Variants in UGT1A9 observed in about 807,000 individuals in gnomAD.
The protein encoded by UGT1A9 is UDP glucuronosyltransferase family 1 member A9, also known as UDP-glucuronosyltransferase 1A9.
Under a neutral mutation model 45.0 loss-of-function variants are expected in UGT1A9, and 35 were observed. The observed-to-expected ratio is 0.78, with a 90% CI of 0.59 to 1.03. The LOEUF is 1.03. Among genes scored for constraint, UGT1A9 ranks in the 50% least tolerant of loss-of-function variants. UGT1A9 has a pLI of 0.00. For synonymous variants in UGT1A9, 278 were observed against 250.6 expected (o/e 1.11, Z -1.03); for missense variants, 687 against 666.6 (o/e 1.03, Z -0.34).
At chr2:233,694,271 TGTGAGC>T (rs1439131149) in intron 1 of UGT1A9, among the ~76,000 whole-genome samples, 4 of 151,934 alleles carry the variant, frequency 2.6e-5, no homozygotes, top group Non-Finnish European at 4.4e-5. Flanking sequence ...AACTACAGCC[TGTGAGC>T]CCAATCTGCC....
intron 1 of UGT1A9, among the ~76,000 whole-genome samples, chr2:233,734,157 A>G (rs2078492221): frequency 6.6e-6 from 1 of 152,100 alleles, no homozygotes; most frequent in Non-Finnish European, 1.5e-5. Context: ...CTGGTCCTGG[A>G]CTTTTTTTGG....
At chr2:233,681,961 C>G in intron 1 of UGT1A9, 1 of 1,613,960 alleles carries the variant, frequency 6.2e-7, no homozygotes, top group Non-Finnish European at 8.5e-7. Flanking sequence ...GGTGGACTGG[C>G]CTCCTTCCCC....
At chr2:233,742,690 G>A (rs1692069965) in intron 1 of UGT1A9, 1 of 152,442 alleles carries the variant, frequency 6.6e-6, no homozygotes, top group African/African-American at 2.4e-5. Flanking sequence ...CCTTCAGAGG[G>A]AACATGCTTC....
intron 1 of UGT1A9, chr2:233,743,560 C>A: frequency 7.3e-7 from 1 of 1,367,302 alleles, no homozygotes; most frequent in South Asian, 1.1e-5. Flanking sequence ...AAATATTCTC[C>A]AGCGGGTTTC....
chr2:233,674,262 A>T (rs894240612), intron 1 of UGT1A9, among the ~76,000 whole-genome samples: 7 of 152,218 alleles, frequency 4.6e-5, no homozygotes, highest in Admixed American at 2.0e-4. Flanking sequence ...AAGCAGGAGG[A>T]CTACAGTTGT....
At chr2:233,720,463 G>A (rs2076862046) in intron 1 of UGT1A9, among the ~76,000 whole-genome samples, 1 of 152,124 alleles carries the variant, frequency 6.6e-6, no homozygotes, top group African/African-American at 2.4e-5. Flanking sequence ...GCTGGGACCA[G>A]TGATGAATGG....
chr2:233,754,673 A>G, intron 1 of UGT1A9: 2 of 470,398 alleles, frequency 4.3e-6, no homozygotes, highest in Non-Finnish European at 8.4e-6. Flanking sequence ...TGATTTTTTT[A>G]CCATCAACTA....
In UGT1A9 at chr2:233,700,778, T is replaced by C. The variant is rs550912505; in HGVS notation, c.855+27989T>C. On this transcript the variant is annotated intron_variant, in intron 1 of 4. Transcript: ENST00000354728. ...GGGTACATGTGCACAACGTACAGGT[T>C]TGTTACATATGTATACATGTGCCAT... Among the ~76,000 whole-genome samples, 10 of 152,260 alleles carry C rather than the reference T, an allele frequency of 6.6e-5. No homozygotes were observed. In the East Asian group the frequency reaches 9.6e-4, roughly 15 times the overall value.
In UGT1A9 at chr2:233,671,968, C is replaced by T. The variant is rs1001554940; in HGVS notation, c.34C>T (p.Leu12=). Reference sequence around the variant, plus strand: ...CACAGGGTGGACCAGCCCCCTTCCTCTATGTGTGTGTCTGCTGCTGACCTG... The same window carrying T: ...CACAGGGTGGACCAGCCCCCTTCCTTTATGTGTGTGTCTGCTGCTGACCTG... ...ACTGWTSPLP[L]CVCLLLTCGF... is the part of the protein sequence containing the mutation. Residue 12 remains leucine, a synonymous_variant, in exon 1 of 5, where the codon CTA becomes TTA. Transcript: ENST00000354728. 5 of 1,613,768 alleles carry T rather than the reference C, an allele frequency of 3.1e-6. No homozygotes were observed. In the African/African-American group the frequency reaches 6.7e-5, roughly 22 times the overall value.
chr2:233,672,252 T>C lies in UGT1A9; in HGVS notation c.318T>C (p.Tyr106=), dbSNP rs1321758675. 16 of 1,614,218 alleles carry C rather than the reference T, an allele frequency of 9.9e-6. 1 individual carries two copies. Among genetic ancestry groups the C allele is most frequent in the South Asian group, 8.8e-5 (8 of 91,080 alleles). ...AQWKAQVRSI[Y]SLLMGSYNDI... ...GGAAAGCACAAGTACGAAGTATATA[T>C]TCTCTATTAATGGGTTCATACAATG... The change falls in exon 1 of 5, where the codon TAT becomes TAC. Residue 106 remains tyrosine (Y), a synonymous_variant. Coordinates refer to ENST00000354728, the MANE Select transcript of UGT1A9 (RefSeq NM_021027.3).
chr2:233,682,445 A>G (rs2074579608), intron 1 of UGT1A9: 2 of 1,613,894 alleles, frequency 1.2e-6, no homozygotes, highest in Non-Finnish European at 1.7e-6. Flanking sequence ...GGTCTTCGCC[A>G]GGGGAATATT....
chr2:233,695,755 T>A (rs1036590336), intron 1 of UGT1A9, among the ~76,000 whole-genome samples: 1 of 152,338 alleles, frequency 6.6e-6, no homozygotes, highest in Non-Finnish European at 1.5e-5. Flanking sequence ...CAGGTCTTCA[T>A]CCTTTTTTAT....
chr2:233,704,256 C>CA (rs1553607929), intron 1 of UGT1A9, among the ~76,000 whole-genome samples: 1 of 123,680 alleles, frequency 8.1e-6, no homozygotes, highest in Non-Finnish European at 1.6e-5. Flanking sequence ...GCCTTTATTG[C>CA]TTTTTTTTTT....
chr2:233,705,135 TG>T (rs2075825979), intron 1 of UGT1A9, among the ~76,000 whole-genome samples: 2 of 98,450 alleles, frequency 2.0e-5, no homozygotes, highest in African/African-American at 1.2e-4. Context: ...AGACTTCGTC[TG>T]AAAAAAAAAA....
intron 1 of UGT1A9, chr2:233,747,398 C>T: frequency 1.9e-6 from 3 of 1,606,764 alleles, no homozygotes; most frequent in Non-Finnish European, 2.6e-6. Flanking sequence ...TGGTCCTCAC[C>T]CCAGAGGTGA....
intron 1 of UGT1A9, among the ~76,000 whole-genome samples, chr2:233,763,630 G>T (rs1698361398): frequency 6.6e-6 from 1 of 152,108 alleles, no homozygotes; most frequent in South Asian, 2.1e-4. Flanking sequence ...CTCTTGTGTT[G>T]ATGGTCCTAT....
intron 1 of UGT1A9, among the ~76,000 whole-genome samples, chr2:233,712,590 A>C (rs1407405670): frequency 6.6e-6 from 1 of 152,212 alleles, no homozygotes; most frequent in Non-Finnish European, 1.5e-5. Context: ...AGCAGAGACC[A>C]TATGGTTGGG....
At chr2:233,760,867 C>T (rs767983942) in intron 1 of UGT1A9, 3 of 1,614,156 alleles carry the variant, frequency 1.9e-6, no homozygotes, top group Non-Finnish European at 2.5e-6. Flanking sequence ...CTCCTACGTG[C>T]CCAGGCCTCT....
At chr2:233,767,959 A>G in intron 3 of UGT1A9, 23 bp downstream of exon 3, 1 of 1,614,218 alleles carries the variant, frequency 6.2e-7, no homozygotes, top group Non-Finnish European at 8.5e-7. Flanking sequence ...GATTGGATGT[A>G]TAGGTCAAAC....
Sources: allele counts gnomAD v4.1 joint callset (sites outside exome capture counted in the v4.1 genomes callset), GRCh38; gene constraint gnomAD v4.1.1; transcripts MANE v1.5; gene names NCBI Gene and HGNC (gene_info 2026-07-23, HGNC 2026-07-21).